Variants in BMP2K observed in about 807,000 individuals in gnomAD.
BMP2K encodes BMP-2-inducible protein kinase.
In BMP2K, 74 loss-of-function variants were observed where a neutral mutation model predicts 116.0. That is an observed-to-expected ratio of 0.64 (90% CI 0.53 to 0.77). The LOEUF (loss-of-function observed/expected upper bound fraction) is 0.77. BMP2K is among the 30% of genes least tolerant of loss of function. The pLI is 0.00. For synonymous variants in BMP2K, 486 were observed against 502.5 expected, an observed-to-expected ratio of 0.97 and a Z score of 0.44; for missense variants, 1,365 against 1,403.6, an observed-to-expected ratio of 0.97 and a Z score of 0.44.
intron 15 of BMP2K, among the ~76,000 whole-genome samples, chr4:78,899,835 A>C (rs1273061554): frequency 6.6e-6 from 1 of 152,178 alleles, no homozygotes; most frequent in African/African-American, 2.4e-5. Flanking sequence ...AGAGTTGAAG[A>C]AGTTGAGATA....
chr4:78,885,206 A>G (rs1009810085), intron 14 of BMP2K, among the ~76,000 whole-genome samples: 1 of 152,218 alleles, frequency 6.6e-6, no homozygotes, highest in Non-Finnish European at 1.5e-5. Context: ...AAACAATCCA[A>G]AGTTTCATGT....
intron 10 of BMP2K, among the ~76,000 whole-genome samples, chr4:78,868,967 G>A (rs1732199887): frequency 6.6e-6 from 1 of 152,132 alleles, no homozygotes; most frequent in East Asian, 1.9e-4. Context: ...ACTATTCTGG[G>A]GTCTGGAGGA....
chr4:78,870,314 A>G (rs574699623), intron 10 of BMP2K, among the ~76,000 whole-genome samples: 1 of 152,342 alleles, frequency 6.6e-6, no homozygotes, highest in African/African-American at 2.4e-5. Context: ...AGTCATTAAC[A>G]TGTGCAAGAC....
chr4:78,893,591 C>A (rs546766205), intron 15 of BMP2K, among the ~76,000 whole-genome samples: 5 of 152,226 alleles, frequency 3.3e-5, no homozygotes, highest in Middle Eastern at 6.8e-3. Flanking sequence ...AAAAATGGGT[C>A]CTGCTTTGTC....
intron 2 of BMP2K, among the ~76,000 whole-genome samples, chr4:78,829,805 C>T (rs1730109428): frequency 2.9e-5 from 4 of 135,870 alleles, no homozygotes; most frequent in African/African-American, 6.4e-5. Flanking sequence ...CTCTTCTCTT[C>T]TCTTCTCTTC....
chr4:78,903,318 AT>A (rs1383144711), intron 15 of BMP2K, among the ~76,000 whole-genome samples: 1 of 152,042 alleles, frequency 6.6e-6, no homozygotes, highest in Non-Finnish European at 1.5e-5. Context: ...CTAGAGTCAG[AT>A]TAGCATGTTT....
chr4:78,814,061 AGT>A (rs1729214056), intron 1 of BMP2K, among the ~76,000 whole-genome samples: 1 of 152,214 alleles, frequency 6.6e-6, no homozygotes, highest in Non-Finnish European at 1.5e-5. Context: ...AGTCTAGGGG[AGT>A]GTGAAAAAGC....
chr4:78,779,442 A>G (rs1816184), intron 1 of BMP2K, among the ~76,000 whole-genome samples: 18,512 of 152,232 alleles, frequency 0.12, 3,720 homozygotes, highest in African/African-American at 0.42. Context: ...GAAATCACCA[A>G]TAGCAAGCAC....
At chr4:78,797,399 A>G (rs1269961869) in intron 1 of BMP2K, among the ~76,000 whole-genome samples, 2 of 152,216 alleles carry the variant, frequency 1.3e-5, no homozygotes, top group Non-Finnish European at 1.5e-5. Context: ...GCTAAGAGGA[A>G]TAATGCAAAG....
intron 1 of BMP2K, among the ~76,000 whole-genome samples, chr4:78,809,702 A>T (rs7695491): frequency 0.014 from 2,032 of 143,652 alleles, 52 homozygotes; most frequent in African/African-American, 0.052. Flanking sequence ...TTTTTTTTTT[A>T]AATAATTTCT....
chr4:78,822,411 A>G (rs542223040), intron 1 of BMP2K, among the ~76,000 whole-genome samples: 15 of 152,236 alleles, frequency 9.9e-5, no homozygotes, highest in Admixed American at 2.0e-4. Context: ...TGAAACTTCT[A>G]TATTTAGTTA....
At chr4:78,896,736 T>G (rs1237253311) in intron 15 of BMP2K, among the ~76,000 whole-genome samples, 1 of 152,242 alleles carries the variant, frequency 6.6e-6, no homozygotes, top group East Asian at 1.9e-4. Flanking sequence ...TAAACTGTTT[T>G]TTATCACAAT....
In BMP2K at chr4:78,911,376, A is replaced by C. The variant is rs1734589202; in HGVS notation, c.2829A>C (p.Ser943=). 6.2e-7 allele frequency: 1 copy of C among 1,614,004 alleles called. No homozygotes were observed. The part of the protein sequence containing the change: ...GSTPFQPFLT[S]TSKSESNEDL... ...CTCCATTTCAGCCCTTCCTCACATC[A>C]ACAAGTAAAAGTGAAAGCAATGAGG... The change falls in exon 16 of 16, where the codon TCA becomes TCC. Residue 943 remains serine (S), a synonymous_variant. Transcript: ENST00000502613.
At chr4:78,845,484 A>G (rs558710138) in intron 5 of BMP2K, among the ~76,000 whole-genome samples, 23 of 151,796 alleles carry the variant, frequency 1.5e-4, no homozygotes, top group Admixed American at 4.6e-4. Context: ...GTAGAAAATG[A>G]AAGTGTTAAG....
intron 8 of BMP2K, chr4:78,860,128 G>C (rs75032200): frequency 2.0e-6 from 1 of 493,340 alleles, no homozygotes. Flanking sequence ...TGTTAAGTGG[G>C]AACTAAACAA....
In BMP2K at chr4:78,911,428, G is replaced by A. The variant is rs1021245079; in HGVS notation, c.2881G>A (p.Glu961Lys). The change falls in exon 16 of 16, where the codon GAA (glutamate) becomes AAA (lysine). Residue 961 changes from glutamate to lysine, a missense_variant. Around this residue, in one of 3 missense-constraint regions of BMP2K, gnomAD observed 596 missense variants for 623.2 expected, o/e 0.96. Coordinates refer to ENST00000502613, the MANE Select transcript of BMP2K (RefSeq NM_198892.2). ...EDLFGLVPFD[E>K]ITGSQQQKVK... The stretch of plus-strand genomic sequence containing the variant: ...CCTTTTTGGGCTTGTGCCCTTTGAT[G>A]AAATAACGGGGAGCCAGCAGCAAAA... The A allele has an allele frequency of 3.1e-6, 5 of 1,613,922 alleles. No individual in the cohort carries two copies. Among genetic ancestry groups the A allele is most frequent in the Non-Finnish European group, 3.4e-6 (4 of 1,179,898 alleles).
chr4:78,830,270 T>G (rs2110007274), intron 2 of BMP2K, among the ~76,000 whole-genome samples: 1 of 152,332 alleles, frequency 6.6e-6, no homozygotes, highest in South Asian at 2.1e-4. Flanking sequence ...GAATCTTTTT[T>G]TCTGAGCAGT....
intron 2 of BMP2K, among the ~76,000 whole-genome samples, chr4:78,827,822 AC>A (rs1291865098): frequency 6.6e-6 from 1 of 152,206 alleles, no homozygotes; most frequent in African/African-American, 2.4e-5. Context: ...CCTTGCTGAT[AC>A]GTTTTTACTT....
chr4:78,903,784 T>A (rs1438102250), intron 15 of BMP2K, among the ~76,000 whole-genome samples: 1 of 151,954 alleles, frequency 6.6e-6, no homozygotes, highest in African/African-American at 2.4e-5. Flanking sequence ...GGGCATGGTT[T>A]TTTAGTGATG....
Sources: gnomAD v4.1 joint callset for allele counts (sites outside exome capture counted in the v4.1 genomes callset) on GRCh38, gnomAD v4.1.1 for gene constraint, gnomAD v4.1.1 regional missense constraint, MANE v1.5 for transcripts, NCBI Gene and HGNC (gene_info 2026-07-23, HGNC 2026-07-21) for gene names.